PTPN4: variants seen among roughly 807,000 people sequenced by gnomAD.
The protein encoded by PTPN4 is protein tyrosine phosphatase non-receptor type 4.
PTPN4 carries 49 observed loss-of-function variants against 135.5 expected under a neutral mutation model. That is an observed-to-expected ratio of 0.36 (90% CI 0.29 to 0.46). The LOEUF (loss-of-function observed/expected upper bound fraction) is 0.46, where lower values mean the gene tolerates loss of function less well. Among genes scored for constraint, PTPN4 ranks in the 20% least tolerant of loss-of-function variants. PTPN4 has a pLI of 1.00. For synonymous variants in PTPN4, 333 were observed against 369.9 expected (o/e 0.90, Z 1.14); for missense variants, 860 against 1,101.0 (o/e 0.78, Z 3.10).
intron 13 of PTPN4, among the ~76,000 whole-genome samples, chr2:119,929,310 A>G (rs1455448861): frequency 6.6e-6 from 1 of 152,046 alleles, no homozygotes; most frequent in Non-Finnish European, 1.5e-5. Flanking sequence ...GTAATTATTA[A>G]GTTATTTTAT....
At chr2:119,886,559 C>T (rs1157771852) in intron 9 of PTPN4, among the ~76,000 whole-genome samples, 3 of 152,156 alleles carry the variant, frequency 2.0e-5, no homozygotes, top group African/African-American at 7.2e-5. Flanking sequence ...ATTCTATACC[C>T]AGTGAAAAGT....
chr2:119,768,886 G>A (rs1690686018), intron 1 of PTPN4, among the ~76,000 whole-genome samples: 1 of 152,148 alleles, frequency 6.6e-6, no homozygotes, highest in Non-Finnish European at 1.5e-5. Context: ...ATTCAAAAAG[G>A]TCTGTGTCTT....
intron 20 of PTPN4, among the ~76,000 whole-genome samples, chr2:119,955,837 T>A (rs570951580): frequency 6.6e-6 from 1 of 152,194 alleles, no homozygotes; most frequent in South Asian, 2.1e-4. Flanking sequence ...CTCAGGAGGC[T>A]GAGGCAGGAG....
chr2:119,890,601 C>T lies in PTPN4; in HGVS notation c.675+4719C>T, dbSNP rs190891078. On this transcript the variant is annotated intron_variant, in intron 9 of 26. Transcript: ENST00000263708. ...GTATTCTGTGTTTCTTTCTTTTTCT[C>T]TTATAGGTTGTTGTTTTGATGGGTT... Among the ~76,000 whole-genome samples, 15 of 152,028 alleles carry T rather than the reference C, an allele frequency of 9.9e-5. No individual in the cohort carries two copies. The East Asian group carries it at 2.9e-3, about 29-fold the overall frequency.
At chr2:119,853,693 A>C (rs570580849) in intron 2 of PTPN4, among the ~76,000 whole-genome samples, 1 of 152,278 alleles carries the variant, frequency 6.6e-6, no homozygotes, top group Non-Finnish European at 1.5e-5. Context: ...TTTTTGCTTT[A>C]GCCTTTAAAC....
intron 2 of PTPN4, among the ~76,000 whole-genome samples, chr2:119,814,009 T>TA (rs911775036): frequency 1.4e-4 from 21 of 151,702 alleles, no homozygotes; most frequent in African/African-American, 4.8e-4. Flanking sequence ...GTGCCATACT[T>TA]AAAAAAAAAT....
intron 10 of PTPN4, among the ~76,000 whole-genome samples, chr2:119,913,799 C>T (rs1176889816): frequency 6.6e-6 from 1 of 151,730 alleles, no homozygotes; most frequent in Non-Finnish European, 1.5e-5. Context: ...AAGAGACATA[C>T]CTAAAATGTT....
rs536259324 is a variant in PTPN4, at chr2:119,844,861, C to G, written c.139-17675C>G. On this transcript the variant is annotated intron_variant, in intron 2 of 26. Coordinates refer to ENST00000263708, the MANE Select transcript of PTPN4 (RefSeq NM_002830.4). ...CTTCCCAGACGGTGTGGCAGCCGGG[C>G]AGAGGCTGCAATCTCGGCACTTTGG... Among the ~76,000 whole-genome samples, 3 of 150,812 alleles carry G rather than the reference C, an allele frequency of 2.0e-5. No homozygotes were observed. In the East Asian group the frequency reaches 5.9e-4, roughly 29 times the overall value.
chr2:119,885,989 C>G, intron 9 of PTPN4, 107 bp downstream of exon 9: 5 of 697,836 alleles, frequency 7.2e-6, no homozygotes, highest in Non-Finnish European at 1.1e-5. Context: ...TTGCTGCTGA[C>G]ACAGCTGCAC....
At chr2:119,921,490 ACT>A (rs1354589606) in intron 12 of PTPN4, among the ~76,000 whole-genome samples, 4 of 152,030 alleles carry the variant, frequency 2.6e-5, no homozygotes, top group African/African-American at 9.7e-5. Flanking sequence ...GAAATACATG[ACT>A]CCCACCCCAG....
Position 119,929,305 on chromosome 2 carries a change from T to C in PTPN4, c.1070+2639T>C, listed in dbSNP as rs555325261. On this transcript the variant is annotated intron_variant, in intron 13 of 26. Coordinates refer to ENST00000263708, the MANE Select transcript of PTPN4 (RefSeq NM_002830.4). Reference sequence around the variant, plus strand: ...AAAATTCTCTAATGGTTTTAGTAATTATTAAGTTATTTTATTAAAGTACCA... The same window carrying C: ...AAAATTCTCTAATGGTTTTAGTAATCATTAAGTTATTTTATTAAAGTACCA... Among the ~76,000 whole-genome samples the C allele has an allele frequency of 1.4e-4, 21 of 152,242 alleles. 1 individual carries two copies. The South Asian group carries it at 4.3e-3, about 32-fold the overall frequency.
intron 15 of PTPN4, among the ~76,000 whole-genome samples, chr2:119,941,758 C>T (rs1187368303): frequency 6.6e-6 from 1 of 152,146 alleles, no homozygotes; most frequent in Non-Finnish European, 1.5e-5. Flanking sequence ...GCTTAAATCC[C>T]AACCTCAGCA....
rs112000631 is a variant in PTPN4 at position 119,947,986 on chromosome 2, G to A, written c.1656+1412G>A. On this transcript the variant is annotated intron_variant, in intron 18 of 26. Transcript: ENST00000263708. ...GATGTAAACCCTTAATAGACCCAGC[G>A]TGGATCCTATTTCCTTATTTGAAAA... 4.4e-3 allele frequency among the ~76,000 whole-genome samples: 674 copies of A among 152,118 alleles called. 6 individuals carry two copies. The highest frequency in any genetic ancestry group is 0.015 in the African/African-American group (640 of 41,518).
chr2:119,760,550 C>A (rs532358065), intron 1 of PTPN4, among the ~76,000 whole-genome samples, 166 bp downstream of exon 1: 3 of 151,782 alleles, frequency 2.0e-5, no homozygotes, highest in African/African-American at 7.3e-5. Flanking sequence ...AACAAACAAA[C>A]AAAAAAACGC....
chr2:119,885,099 ACT>A (rs757817895), intron 8 of PTPN4, among the ~76,000 whole-genome samples: 14 of 152,112 alleles, frequency 9.2e-5, no homozygotes, highest in Non-Finnish European at 1.6e-4. Flanking sequence ...TCTAAATCAG[ACT>A]CTACAGAATA....
chr2:119,813,371 C>T (rs1676930511), intron 2 of PTPN4, among the ~76,000 whole-genome samples: 1 of 151,990 alleles, frequency 6.6e-6, no homozygotes, highest in African/African-American at 2.4e-5. Context: ...CCTCAGCCTC[C>T]CTAGTAGCTG....
chr2:119,984,561 A>G lies in PTPN4; in HGVS notation c.*7491A>G, dbSNP rs752631737. 1.3e-5 allele frequency among the ~76,000 whole-genome samples: 2 copies of G among 152,212 alleles called. No homozygotes were observed. The highest frequency in any genetic ancestry group is 2.9e-5 in the Non-Finnish European group (2 of 68,018). ...ATGTGTATAAGCTTGAATTTGGTCAACACTGCATAATTTGAAATCACTCTG... is the reference window on the plus strand; with the variant it reads ...ATGTGTATAAGCTTGAATTTGGTCAGCACTGCATAATTTGAAATCACTCTG... On this transcript the variant is annotated 3_prime_UTR_variant, in exon 27 of 27. Coordinates refer to ENST00000263708, the MANE Select transcript of PTPN4 (RefSeq NM_002830.4).
intron 9 of PTPN4, among the ~76,000 whole-genome samples, chr2:119,900,289 C>T (rs940282202): frequency 9.9e-5 from 15 of 152,080 alleles, no homozygotes; most frequent in Non-Finnish European, 2.1e-4. Context: ...TTATTGGGTT[C>T]CTTTTCACCA....
intron 10 of PTPN4, among the ~76,000 whole-genome samples, chr2:119,906,869 T>C (rs1678497035): frequency 1.3e-5 from 2 of 152,128 alleles, no homozygotes; most frequent in Admixed American, 1.3e-4. Context: ...AAACAGGAAG[T>C]CAAATTGTTC....
Sources: allele counts gnomAD v4.1 joint callset (sites outside exome capture counted in the v4.1 genomes callset), GRCh38; gene constraint gnomAD v4.1.1; transcripts MANE v1.5; gene names NCBI Gene and HGNC (gene_info 2026-07-23, HGNC 2026-07-21).